Variants in GRAMD1C observed in about 807,000 individuals in gnomAD.
GRAMD1C encodes GRAM domain containing 1C, also known as protein Aster-C.
Under a neutral mutation model 97.8 loss-of-function variants are expected in GRAMD1C, and 89 were observed. The observed-to-expected ratio is 0.91, with a 90% CI of 0.77 to 1.09. GRAMD1C has a LOEUF of 1.09. GRAMD1C is among the 50% of genes least tolerant of loss of function. The probability of loss-of-function intolerance (pLI) is 0.00; values close to 1 mark genes in which losing one functional copy is unlikely to be tolerated. For missense variants in GRAMD1C, 740 were observed against 766.4 expected (o/e 0.97, Z 0.41); for synonymous variants, 256 against 267.0 (o/e 0.96, Z 0.40).
At chr3:113,833,628 TG>T (rs59679118) in intron 1 of GRAMD1C, among the ~76,000 whole-genome samples, 1,797 of 152,274 alleles carry the variant, frequency 0.012, 34 homozygotes, top group African/African-American at 0.041. Context: ...AGGTCTGTAC[TG>T]CTACCTCTGA....
chr3:113,888,123 T>G (rs4682143), intron 6 of GRAMD1C, among the ~76,000 whole-genome samples: 118,548 of 152,080 alleles, frequency 0.78, 46,411 homozygotes, highest in Middle Eastern at 0.87. Context: ...TTCACAACTT[T>G]ATCTATGAGT....
chr3:113,850,253 C>A, intron 2 of GRAMD1C: 1 of 637,844 alleles, frequency 1.6e-6, no homozygotes, highest in East Asian at 3.5e-5. Flanking sequence ...AGGTGGCTGA[C>A]CACGTCCACG....
At chr3:113,914,388 A>T (rs190330373) in intron 9 of GRAMD1C, among the ~76,000 whole-genome samples, 2 of 152,220 alleles carry the variant, frequency 1.3e-5, no homozygotes, top group African/African-American at 2.4e-5. Context: ...AAATCATCCA[A>T]TGAGGGATAA....
At chr3:113,830,422 TAGAAA>T (rs899635876) in intron 1 of GRAMD1C, among the ~76,000 whole-genome samples, 1 of 152,196 alleles carries the variant, frequency 6.6e-6, no homozygotes. Context: ...TGCTCTTTGT[TAGAAA>T]AGAAATGTTT....
rs531538782 is a variant in GRAMD1C, at chr3:113,905,245, T to A, written c.789+973T>A. ...CCTTCAAGTTGGTTCCTTTGGCCTT[T>A]TGAAATGACCAGTATCTTTAATGAT... On this transcript the variant is annotated intron_variant, in intron 8 of 17. Transcript: ENST00000358160. Among the ~76,000 whole-genome samples, 7 of 152,378 alleles carry A rather than the reference T, an allele frequency of 4.6e-5. No homozygotes were observed. The East Asian group carries it at 1.3e-3, about 29-fold the overall frequency.
intron 10 of GRAMD1C, among the ~76,000 whole-genome samples, chr3:113,923,081 G>A (rs1324301379): frequency 1.3e-5 from 2 of 151,840 alleles, no homozygotes; most frequent in Non-Finnish European, 2.9e-5. Flanking sequence ...CAGCTTGGGT[G>A]TTGTTGGGTA....
chr3:113,922,826 G>C (rs1371621894), intron 10 of GRAMD1C, among the ~76,000 whole-genome samples: 1 of 152,122 alleles, frequency 6.6e-6, no homozygotes, highest in Non-Finnish European at 1.5e-5. Context: ...GTTATTGGTA[G>C]TTTGAGAGGA....
intron 1 of GRAMD1C, among the ~76,000 whole-genome samples, chr3:113,839,954 CCACA>C (rs1374008925): frequency 6.6e-6 from 1 of 151,912 alleles, no homozygotes; most frequent in South Asian, 2.1e-4. Context: ...ACTGATGATG[CCACA>C]CACACACCAT....
Position 113,869,425 on chromosome 3 carries a change from G to T in GRAMD1C, c.175-82G>T, listed in dbSNP as rs149652612. The T allele has an allele frequency of 2.8e-3, 2,106 of 757,620 alleles. 18 individuals carry two copies. The highest frequency in any genetic ancestry group is 8.1e-3 in the East Asian group (319 of 39,338). 46.9% of individuals were successfully genotyped at this position (757,620 alleles called of 1,614,324 possible). On this transcript the variant is annotated intron_variant, in intron 2 of 17. Coordinates refer to ENST00000358160, the MANE Select transcript of GRAMD1C (RefSeq NM_017577.5). ...ACAAAATATTGCATAGAAAGCATAT[G>T]ATTTTAAATTCCACTTGATATTTAT... is the stretch of plus-strand genomic sequence containing the variant.
chr3:113,880,389 C>G lies in GRAMD1C; in HGVS notation c.460-2363C>G, dbSNP rs142335150. ...CTTTTTTAAAAAAAGTAAATGTAATCTTACATGTGTTGTTTTTCGGCTCTC... is the reference window on the plus strand; with the variant it reads ...CTTTTTTAAAAAAAGTAAATGTAATGTTACATGTGTTGTTTTTCGGCTCTC... On this transcript the variant is annotated intron_variant, in intron 5 of 17. Transcript: ENST00000358160. 4.6e-4 allele frequency among the ~76,000 whole-genome samples: 70 copies of G among 152,094 alleles called. No homozygotes were observed. In the East Asian group the frequency reaches 6.8e-3, roughly 15 times the overall value.
chr3:113,839,467 C>G (rs1709721132), intron 1 of GRAMD1C, among the ~76,000 whole-genome samples: 1 of 152,196 alleles, frequency 6.6e-6, no homozygotes, highest in South Asian at 2.1e-4. Flanking sequence ...GCCTGCGTTT[C>G]TGAACACCAT....
chr3:113,886,018 A>G, intron 6 of GRAMD1C: 1 of 1,295,530 alleles, frequency 7.7e-7, no homozygotes. Context: ...CTTCACCAAC[A>G]TCGGCTCTGG....
intron 6 of GRAMD1C, among the ~76,000 whole-genome samples, chr3:113,883,457 C>G (rs924751826): frequency 6.7e-6 from 1 of 148,988 alleles, no homozygotes; most frequent in African/African-American, 2.5e-5. Flanking sequence ...CCCAGGATGT[C>G]GAGGCTGCGG....
rs575257211 is a variant in GRAMD1C, at chr3:113,842,754, G to A, written c.28-1749G>A. 1.2e-3 allele frequency among the ~76,000 whole-genome samples: 184 copies of A among 152,164 alleles called. 2 individuals carry two copies. The highest frequency in any genetic ancestry group is 4.3e-3 in the African/African-American group (179 of 41,530). On this transcript the variant is annotated intron_variant, in intron 1 of 17. Coordinates refer to ENST00000358160, the MANE Select transcript of GRAMD1C (RefSeq NM_017577.5). ...TAGGTGGGCTGATCACGTGAGGTCA[G>A]GAGTTTGTGACCAGCCTGGCCAACA...
At chr3:113,902,045 G>A (rs896233164) in intron 7 of GRAMD1C, among the ~76,000 whole-genome samples, 3 of 152,128 alleles carry the variant, frequency 2.0e-5, no homozygotes, top group Admixed American at 2.0e-4. Context: ...ATTAGTTAGT[G>A]GTGATGGTTG....
At chr3:113,839,016 C>A in intron 1 of GRAMD1C, 80 bp downstream of exon 1, 1 of 883,038 alleles carries the variant, frequency 1.1e-6, no homozygotes, top group African/African-American at 1.7e-5. Flanking sequence ...CTTGAACCTT[C>A]TCAGATTACA....
At chr3:113,914,032 A>C (rs775540065) in intron 9 of GRAMD1C, among the ~76,000 whole-genome samples, 7 of 152,226 alleles carry the variant, frequency 4.6e-5, no homozygotes, top group Non-Finnish European at 7.3e-5. Context: ...TAAATCAATA[A>C]AAATATAACT....
intron 1 of GRAMD1C, among the ~76,000 whole-genome samples, chr3:113,841,680 T>G (rs1933330724): frequency 6.6e-6 from 1 of 151,878 alleles, no homozygotes; most frequent in Non-Finnish European, 1.5e-5. Context: ...GCATTGAGAG[T>G]GGTGGTCCAT....
chr3:113,850,014 C>A (rs1432192366), intron 2 of GRAMD1C, among the ~76,000 whole-genome samples: 6 of 119,458 alleles, frequency 5.0e-5, no homozygotes, highest in Non-Finnish European at 8.7e-5. Flanking sequence ...GCTGGCCGGG[C>A]GGGGGGCTGA....
Sources: allele counts gnomAD v4.1 joint callset (sites outside exome capture counted in the v4.1 genomes callset), GRCh38; gene constraint gnomAD v4.1.1; transcripts MANE v1.5; gene names NCBI Gene and HGNC (gene_info 2026-07-23, HGNC 2026-07-21).